The following SCFD2 variants were observed in gnomAD, a reference collection of about 807,000 sequenced individuals.
SCFD2 encodes the protein sec1 family domain-containing protein 2.
A neutral mutation model predicts 58.9 loss-of-function variants in SCFD2; 54 were observed. That is an observed-to-expected ratio of 0.92 (90% CI 0.74 to 1.15). The LOEUF (loss-of-function observed/expected upper bound fraction) is 1.15, where lower values mean the gene tolerates loss of function less well. SCFD2 is among the 50% of genes most tolerant of loss of function. The pLI, the probability that SCFD2 is intolerant of heterozygous loss-of-function variation, is 0.00. For missense variants in SCFD2, 805 were observed against 836.6 expected (o/e 0.96, Z 0.47); for synonymous variants, 321 against 335.9 (o/e 0.96, Z 0.49).
intron 5 of SCFD2, among the ~76,000 whole-genome samples, chr4:53,056,012 A>G (rs1423196437): frequency 6.6e-6 from 1 of 152,108 alleles, no homozygotes; most frequent in East Asian, 1.9e-4. Flanking sequence ...CAAAATGAAC[A>G]TGTGTATCCT....
intron 5 of SCFD2, among the ~76,000 whole-genome samples, chr4:52,966,253 G>C (rs1720960637): frequency 6.6e-6 from 1 of 152,176 alleles, no homozygotes; most frequent in Admixed American, 6.5e-5. Context: ...TTCCATATCT[G>C]GAATTTGAAA....
At chr4:53,005,653 C>A (rs1721956501) in intron 5 of SCFD2, among the ~76,000 whole-genome samples, 1 of 152,056 alleles carries the variant, frequency 6.6e-6, no homozygotes, top group African/African-American at 2.4e-5. Context: ...TCCTTTGGCC[C>A]CTTAAAGAAG....
chr4:53,054,565 T>G (rs1215260808), intron 5 of SCFD2, among the ~76,000 whole-genome samples: 5 of 150,610 alleles, frequency 3.3e-5, no homozygotes, highest in African/African-American at 1.2e-4. Flanking sequence ...TTAAAGAAAC[T>G]AAATCCTTCT....
chr4:53,156,858 G>A (rs1025736829), intron 4 of SCFD2, among the ~76,000 whole-genome samples: 5 of 152,228 alleles, frequency 3.3e-5, no homozygotes, highest in African/African-American at 1.2e-4. Context: ...AAAAGCACTT[G>A]TGCAATTGTT....
chr4:53,106,787 G>A (rs1389864988), intron 5 of SCFD2, among the ~76,000 whole-genome samples: 1 of 152,154 alleles, frequency 6.6e-6, no homozygotes, highest in Non-Finnish European at 1.5e-5. Flanking sequence ...ATGAAACCAA[G>A]TTGGAAAACA....
intron 5 of SCFD2, among the ~76,000 whole-genome samples, chr4:52,946,097 A>G (rs896701881): frequency 6.6e-6 from 1 of 152,208 alleles, no homozygotes; most frequent in Non-Finnish European, 1.5e-5. Context: ...AATTGAGACA[A>G]TAAGACTCTT....
At chr4:53,313,332 T>C (rs1305796124) in intron 3 of SCFD2, among the ~76,000 whole-genome samples, 3 of 152,170 alleles carry the variant, frequency 2.0e-5, no homozygotes, top group South Asian at 4.1e-4. Context: ...AGGGTTGGAA[T>C]AGAATTAAGG....
chr4:52,932,002 C>T (rs1720008649), intron 5 of SCFD2, among the ~76,000 whole-genome samples: 2 of 152,170 alleles, frequency 1.3e-5, no homozygotes, highest in South Asian at 4.1e-4. Flanking sequence ...TGGAAGGCTT[C>T]CTGGAGGTGC....
chr4:53,047,860 A>G (rs1486713274), intron 5 of SCFD2, among the ~76,000 whole-genome samples: 1 of 152,134 alleles, frequency 6.6e-6, no homozygotes, highest in African/African-American at 2.4e-5. Context: ...ACTTGAACTG[A>G]TAATATTTTG....
chr4:53,088,115 A>G (rs12510357), intron 5 of SCFD2, among the ~76,000 whole-genome samples: 4,298 of 152,346 alleles, frequency 0.028, 67 homozygotes, highest in Middle Eastern at 0.054. Context: ...GACTATCCAT[A>G]TTGCAAAACA....
At chr4:52,911,063 T>A (rs943833054) in intron 6 of SCFD2, among the ~76,000 whole-genome samples, 13 of 150,780 alleles carry the variant, frequency 8.6e-5, no homozygotes, top group Non-Finnish European at 1.8e-4. Flanking sequence ...AAAAAAAAAA[T>A]AGATTGTCAT....
intron 4 of SCFD2, among the ~76,000 whole-genome samples, chr4:53,238,190 C>T (rs1435782251): frequency 7.2e-5 from 10 of 139,596 alleles, no homozygotes; most frequent in South Asian, 2.3e-4. Context: ...CTGACCCCCC[C>T]ACCTCCCTCC....
chr4:53,254,023 A>G (rs1372356481), intron 4 of SCFD2, among the ~76,000 whole-genome samples: 4 of 152,148 alleles, frequency 2.6e-5, no homozygotes, highest in African/African-American at 9.7e-5. Flanking sequence ...ATTCTCACTT[A>G]TAAGTTAGAG....
intron 4 of SCFD2, among the ~76,000 whole-genome samples, chr4:53,265,803 A>G (rs1419225968): frequency 6.6e-6 from 1 of 152,088 alleles, no homozygotes; most frequent in Non-Finnish European, 1.5e-5. Flanking sequence ...GCAGTGACGC[A>G]ATTACGGCTC....
intron 4 of SCFD2, among the ~76,000 whole-genome samples, chr4:53,238,396 C>T (rs1469667298): frequency 3.8e-5 from 5 of 132,496 alleles, no homozygotes; most frequent in Non-Finnish European, 8.1e-5. Flanking sequence ...GCTGGCCTGG[C>T]GGGGGGCTGA....
chr4:52,901,588 G>A (rs1719200767), intron 7 of SCFD2, among the ~76,000 whole-genome samples: 2 of 152,246 alleles, frequency 1.3e-5, no homozygotes, highest in South Asian at 2.1e-4. Flanking sequence ...CTGACTATAT[G>A]AATGAGCCAT....
chr4:52,907,717 T>C, intron 6 of SCFD2, 126 bp from the exon 7 acceptor site: 1 of 672,312 alleles, frequency 1.5e-6, no homozygotes, highest in Non-Finnish European at 2.5e-6. Context: ...TATGTGTGTG[T>C]GTGTGTGTGT....
intron 4 of SCFD2, among the ~76,000 whole-genome samples, chr4:53,250,405 T>C (rs1443890453): frequency 6.6e-6 from 1 of 152,024 alleles, no homozygotes; most frequent in Non-Finnish European, 1.5e-5. Context: ...GACAGAAAGT[T>C]AACAAGGATA....
Position 52,920,672 on chromosome 4 carries a change from G to A in SCFD2, c.1707+53C>T, listed in dbSNP as rs190830957. On this transcript the variant is annotated intron_variant, in intron 6 of 8. Coordinates refer to ENST00000401642, the MANE Select transcript of SCFD2 (RefSeq NM_152540.4). ...GGGAACCTTTTCTTCTATAGACTCT[G>A]AATCCTAGAAGTACAACAGATTAGA... is the stretch of plus-strand genomic sequence containing the variant. 285 of 1,335,554 alleles carry A rather than the reference G, an allele frequency of 2.1e-4. 1 individual carries two copies. The highest frequency in any genetic ancestry group is 7.2e-4 in the Admixed American group (30 of 41,540). 82.7% of individuals were successfully genotyped at this position (1,335,554 alleles called of 1,614,324 possible).
Sources: gnomAD v4.1 joint callset for allele counts (sites outside exome capture counted in the v4.1 genomes callset) on GRCh38, gnomAD v4.1.1 for gene constraint, MANE v1.5 for transcripts, NCBI Gene and HGNC (gene_info 2026-07-23, HGNC 2026-07-21) for gene names.